GPN1: variants seen among roughly 807,000 people sequenced by gnomAD.
GPN1 encodes ATP(GTP)-binding protein.
GPN1 carries 44 observed loss-of-function variants against 55.9 expected under a neutral mutation model. The observed-to-expected ratio is 0.79, with a 90% confidence interval of 0.62 to 1.01. GPN1 has a LOEUF of 1.01. GPN1 is among the 50% of genes least tolerant of loss of function. GPN1 has a pLI of 0.00. For synonymous variants in GPN1, 179 were observed against 162.5 expected, an observed-to-expected ratio of 1.10 and a Z score of -0.77; for missense variants, 466 against 462.8, an observed-to-expected ratio of 1.01 and a Z score of -0.06.
At chr2:27,632,000 G>C (rs191345268) in intron 4 of GPN1, 100 bp downstream of exon 4, 79 of 766,800 alleles carry the variant, frequency 1.0e-4, no homozygotes, top group Non-Finnish European at 1.6e-4. Flanking sequence ...GCAAACCTGA[G>C]CATAAATATA....
intron 9 of GPN1, 60 bp from the exon 10 acceptor site, chr2:27,639,982 TG>T: frequency 1.9e-6 from 2 of 1,068,774 alleles, no homozygotes; most frequent in African/African-American, 3.1e-5. Context: ...AACAAGTTAA[TG>T]TACTTCATTA....
chr2:27,628,749 C>A, upstream of GPN1: 3 of 1,545,864 alleles, frequency 1.9e-6, no homozygotes, highest in South Asian at 3.6e-5. Context: ...GTGAGCCCTG[C>A]CCTCGGGACC....
Position 27,631,010 on chromosome 2 carries a change from C to A in GPN1, c.206-17C>A. On this transcript the variant is annotated splice_polypyrimidine_tract_variant and intron_variant, in intron 2 of 13. Coordinates refer to ENST00000610189, the MANE Select transcript of GPN1 (RefSeq NM_007266.4). ...TGTATGTATTACATTCCAGTTAATTCTTTTTTTTCTCCTCAGATATTCGTG... is the reference window on the plus strand; with the variant it reads ...TGTATGTATTACATTCCAGTTAATTATTTTTTTTCTCCTCAGATATTCGTG... 1 of 1,201,976 alleles carries A rather than the reference C, an allele frequency of 8.3e-7. No homozygotes were observed. The highest frequency in any genetic ancestry group is 1.2e-5 in the South Asian group (1 of 80,936). 74.5% of individuals were successfully genotyped at this position (1,201,976 alleles called of 1,614,324 possible). A position where few individuals can be genotyped will look rare whatever the true frequency, so the allele number is the denominator to read the frequency against.
chr2:27,634,931 A>G lies in GPN1; in HGVS notation c.429+7A>G, dbSNP rs771889014. ...AATTATCACTGAAGCCCTTGTGAGT[A>G]TTCTAGGACTTGCTACTGAGAGTAG... is the stretch of plus-strand genomic sequence containing the variant. On this transcript the variant is annotated splice_region_variant and intron_variant, in intron 6 of 13. Transcript: ENST00000610189. The G allele has an allele frequency of 6.5e-7, 1 of 1,535,110 alleles. No individual in the cohort carries two copies. Among genetic ancestry groups the G allele is most frequent in the South Asian group, 1.1e-5 (1 of 89,550 alleles).
intron 6 of GPN1, 99 bp from the exon 7 acceptor site, chr2:27,635,041 T>G: frequency 1.0e-6 from 1 of 955,166 alleles, no homozygotes. Flanking sequence ...CTGCACACCC[T>G]GCCTAAAGTG....
intron 12 of GPN1, 45 bp from the exon 13 acceptor site, chr2:27,647,791 C>G: frequency 9.0e-7 from 1 of 1,105,740 alleles, no homozygotes; most frequent in African/African-American, 1.5e-5. Flanking sequence ...GATTCAAGAT[C>G]ACCTTTTTGA....
chr2:27,647,901 G>T lies in GPN1; in HGVS notation c.997G>T (p.Asp333Tyr), dbSNP rs1358309877. 1 of 1,613,604 alleles carries T rather than the reference G, an allele frequency of 6.2e-7. No individual in the cohort carries two copies. Among genetic ancestry groups the T allele is most frequent in the Non-Finnish European group, 8.5e-7 (1 of 1,179,542 alleles). ...GACTCGAGGAACCTTGGATGAAGAGGATGAGGAAGCAGACAGCGATACTGA... is the reference window on the plus strand; with the variant it reads ...GACTCGAGGAACCTTGGATGAAGAGTATGAGGAAGCAGACAGCGATACTGA... ...ILTRGTLDEE[D>Y]EEADSDTDDI... Residue 333 changes from aspartate (D) to tyrosine (Y), a missense_variant, in exon 13 of 14, where the codon GAT becomes TAT. Coordinates refer to ENST00000610189, the MANE Select transcript of GPN1 (RefSeq NM_007266.4).
At chr2:27,639,936 A>C in intron 9 of GPN1, 107 bp from the exon 10 acceptor site, 1 of 833,992 alleles carries the variant, frequency 1.2e-6, no homozygotes, top group South Asian at 1.6e-5. Flanking sequence ...ACTTCTCAAA[A>C]TATAAACCAC....
chr2:27,631,663 GATA>G (rs1673557334), intron 3 of GPN1, 168 bp from the exon 4 acceptor site: 1 of 619,106 alleles, frequency 1.6e-6, no homozygotes, highest in African/African-American at 1.8e-5. Context: ...GCCAGACCTT[GATA>G]ATGACTGTTT....
rs1673563790 is a variant in GPN1 at position 27,631,822 on chromosome 2, C to G, written c.246-12C>G. On this transcript the variant is annotated splice_polypyrimidine_tract_variant and intron_variant, in intron 3 of 13. Coordinates refer to ENST00000610189, the MANE Select transcript of GPN1 (RefSeq NM_007266.4). ...ATCTATAAGCGATTTCAGTCCTCAA[C>G]TTGGTGTCTAGATATGGACTTGGAC... The G allele has an allele frequency of 6.5e-7, 1 of 1,530,122 alleles. No homozygotes were observed. The highest frequency in any genetic ancestry group is 1.4e-5 in the African/African-American group (1 of 73,364). The allele number at this position is 1,530,122 out of a possible 1,614,324, so 94.8% of individuals were successfully genotyped here. A position where few individuals can be genotyped will look rare whatever the true frequency, so the allele number is the denominator to read the frequency against.
In GPN1 at chr2:27,643,733, T is replaced by A. The variant is rs1192500710; in HGVS notation, c.931+1214T>A. 6.6e-6 allele frequency among the ~76,000 whole-genome samples: 1 copy of A among 152,238 alleles called. No individual in the cohort carries two copies. The highest frequency in any genetic ancestry group is 1.5e-5 in the Non-Finnish European group (1 of 68,038). On this transcript the variant is annotated intron_variant, in intron 12 of 13. Coordinates refer to ENST00000610189, the MANE Select transcript of GPN1 (RefSeq NM_007266.4). This position sits in a 1 kb window ranked among gnomAD's most constrained non-coding sequence, Gnocchi z 4.0. The stretch of plus-strand genomic sequence containing the variant: ...CTTCAGTTTAGGTTTGTCTCATGTT[T>A]CCTCATGATTTGATTCAGGTGACTA...
At chr2:27,645,160 G>A (rs1037471292) in intron 12 of GPN1, among the ~76,000 whole-genome samples, 1 of 151,992 alleles carries the variant, frequency 6.6e-6, no homozygotes, top group Non-Finnish European at 1.5e-5. Context: ...TAATAGAGAC[G>A]AGGTCTCACC....
At chr2:27,647,156 G>T (rs1470679578) in intron 12 of GPN1, among the ~76,000 whole-genome samples, 1 of 152,136 alleles carries the variant, frequency 6.6e-6, no homozygotes, top group Non-Finnish European at 1.5e-5. Flanking sequence ...TGATGTTGCT[G>T]TCTCTGGCCA....
At chr2:27,650,031 C>T in intron 13 of GPN1, 84 bp from the exon 14 acceptor site, 1 of 782,560 alleles carries the variant, frequency 1.3e-6, no homozygotes, top group African/African-American at 1.7e-5. Flanking sequence ...AAGTAATGTA[C>T]TGTTTTCTGA....
In GPN1 at chr2:27,643,291, A is replaced by G. The variant is rs1022670183; in HGVS notation, c.931+772A>G. On this transcript the variant is annotated intron_variant, in intron 12 of 13. Transcript: ENST00000610189. The surrounding 1 kb of genome is among the most constrained non-coding windows in gnomAD (Gnocchi z 4.0). ...GCCATAATTATTCTATCAGATTCCC[A>G]AAATGTTAACATTCTACCATGTTTA... 4.6e-5 allele frequency among the ~76,000 whole-genome samples: 7 copies of G among 151,744 alleles called. No homozygotes were observed. The highest frequency in any genetic ancestry group is 1.0e-4 in the Non-Finnish European group (7 of 67,936).
chr2:27,640,094 C>G lies in GPN1; in HGVS notation c.769C>G (p.Gln257Glu). ...LGTGLDELFV[Q>E]VTSAAEEYER... ...TACTGGATTAGATGAACTCTTTGTG[C>G]AAGTTACCAGTGCTGCCGAAGAATA... The change falls in exon 10 of 14, where the codon CAA becomes GAA. Residue 257 changes from glutamine to glutamate, a missense_variant. By Grantham distance (29) the Gln-to-Glu change is conservative. Coordinates refer to ENST00000610189, the MANE Select transcript of GPN1 (RefSeq NM_007266.4). 1 of 1,612,406 alleles carries G rather than the reference C, an allele frequency of 6.2e-7. No homozygotes were observed. Among genetic ancestry groups the G allele is most frequent in the Non-Finnish European group, 8.5e-7 (1 of 1,178,490 alleles).
chr2:27,647,944 G>A lies in GPN1; in HGVS notation c.1039+1G>A, dbSNP rs201201430. The A allele has an allele frequency of 6.4e-7, 1 of 1,573,230 alleles. No individual in the cohort carries two copies. The highest frequency in any genetic ancestry group is 8.8e-7 in the Non-Finnish European group (1 of 1,142,666). ...GATACTGATGACATTGACCACAGAGGTGAGAGGTGGCTGAGGTGGCCCGTG... is the reference window on the plus strand; with the variant it reads ...GATACTGATGACATTGACCACAGAGATGAGAGGTGGCTGAGGTGGCCCGTG... On this transcript the variant is annotated splice_donor_variant, in intron 13 of 13. Transcript: ENST00000610189. LOFTEE classifies it high-confidence loss of function.
chr2:27,635,295 T>C (rs1404620652), intron 7 of GPN1, 61 bp downstream of exon 7: 3 of 707,574 alleles, frequency 4.2e-6, no homozygotes, highest in Non-Finnish European at 7.1e-6. Flanking sequence ...TCTCTTCTTC[T>C]TCCTCTTTTT....
chr2:27,635,279 C>A, intron 7 of GPN1, 45 bp downstream of exon 7: 1 of 839,236 alleles, frequency 1.2e-6, no homozygotes, highest in Non-Finnish European at 1.9e-6. Context: ...AGGTATAAGG[C>A]CTTTTTCTCT....
Sources: allele counts gnomAD v4.1 joint callset (sites outside exome capture counted in the v4.1 genomes callset), GRCh38; gene constraint gnomAD v4.1.1; non-coding constraint Gnocchi (gnomAD v3.1); transcripts MANE v1.5; gene names NCBI Gene and HGNC (gene_info 2026-07-23, HGNC 2026-07-21).